Variants in USP8 observed in about 807,000 individuals in gnomAD.
The protein encoded by USP8 is ubiquitin carboxyl-terminal hydrolase 8.
Under a neutral mutation model 130.0 loss-of-function variants are expected in USP8, and 27 were observed. The ratio of observed to expected loss-of-function variants is 0.21; its 90% CI spans 0.15 to 0.29. The LOEUF (loss-of-function observed/expected upper bound fraction) is 0.29, where lower values mean the gene tolerates loss of function less well. Among genes scored for constraint, USP8 ranks in the 10% least tolerant of loss-of-function variants. The pLI, the probability that USP8 is intolerant of heterozygous loss-of-function variation, is 1.00. For missense variants in USP8, 1,029 were observed against 1,312.2 expected, an observed-to-expected ratio of 0.78 and a Z score of 3.33; for synonymous variants, 392 against 444.1, an observed-to-expected ratio of 0.88 and a Z score of 1.48.
In USP8 at chr15:50,462,286, G is replaced by A; in HGVS notation, c.505G>A (p.Gly169Ser). 1 of 1,600,944 alleles carries A rather than the reference G, an allele frequency of 6.2e-7. No individual in the cohort carries two copies. Among genetic ancestry groups the A allele is most frequent in the Non-Finnish European group, 8.5e-7 (1 of 1,176,484 alleles). ...DSKDKTQKSN[G>S]EKNEKCETKE... Reference sequence around the variant, plus strand: ...TTTTTTTCCTATGCAATAGAGCAATGGTGAAAAGAATGAAAAATGTGAGAC... The same window carrying A: ...TTTTTTTCCTATGCAATAGAGCAATAGTGAAAAGAATGAAAAATGTGAGAC... The change falls in exon 6 of 20, where the codon GGT becomes AGT. Residue 169 changes from glycine to serine, a missense_variant. This residue lies in a region of USP8 where 281 missense variants were observed against 336.7 expected (regional missense o/e 0.83). Transcript: ENST00000307179.
In USP8 at chr15:50,484,352, A is replaced by G; in HGVS notation, c.1881A>G (p.Glu627=). 6.2e-7 allele frequency: 1 copy of G among 1,610,656 alleles called. No individual in the cohort carries two copies. The change falls in exon 12 of 20, where the codon GAA becomes GAG. Residue 627 remains glutamate (E), a synonymous_variant. Coordinates refer to ENST00000307179, the MANE Select transcript of USP8 (RefSeq NM_005154.5). ...TTAGAGAGGATACAGACGATACCGA[A>G]AGAAATAAAGTAAGTAGTTTATTGC... is the stretch of plus-strand genomic sequence containing the variant. The part of the protein sequence containing the change: ...GTFREDTDDT[E]RNKAQREPLT...
At chr15:50,487,478 A>G (rs1026335600) in intron 12 of USP8, among the ~76,000 whole-genome samples, 8 of 152,210 alleles carry the variant, frequency 5.3e-5, no homozygotes, top group Non-Finnish European at 7.3e-5. Flanking sequence ...AGTGAAGACT[A>G]AAAAATAGAA....
At chr15:50,439,950 T>C (rs1296948330) in intron 2 of USP8, among the ~76,000 whole-genome samples, 2 of 152,030 alleles carry the variant, frequency 1.3e-5, no homozygotes, top group East Asian at 3.9e-4. Context: ...TAACTTGGCA[T>C]GGTGGCATAG....
chr15:50,506,067 C>T lies in USP8; in HGVS notation c.*6979C>T, dbSNP rs1165081672. 6.6e-6 allele frequency: 1 copy of T among 152,166 alleles called. No individual in the cohort carries two copies. The highest frequency in any genetic ancestry group is 2.4e-5 in the African/African-American group (1 of 41,422). 9.4% of individuals were successfully genotyped at this position (152,166 alleles called of 1,614,324 possible). ...TATAAAGATCTTGATTAACTTTAGGCTTTAAGTATGAAAGCTGTCGTTTTT... is the reference window on the plus strand; with the variant it reads ...TATAAAGATCTTGATTAACTTTAGGTTTTAAGTATGAAAGCTGTCGTTTTT... On this transcript the variant is annotated 3_prime_UTR_variant, in exon 20 of 20. Transcript: ENST00000307179.
chr15:50,486,330 T>A (rs947417256), intron 12 of USP8, among the ~76,000 whole-genome samples: 1 of 151,456 alleles, frequency 6.6e-6, no homozygotes, highest in Non-Finnish European at 1.5e-5. Context: ...GAAAAAAATA[T>A]TAAAAAATTA....
intron 17 of USP8, among the ~76,000 whole-genome samples, chr15:50,496,722 A>G (rs1438809071): frequency 1.3e-5 from 2 of 152,198 alleles, no homozygotes; most frequent in Non-Finnish European, 2.9e-5. Context: ...ACATGGGGAT[A>G]TCAAATAAAT....
intron 3 of USP8, among the ~76,000 whole-genome samples, chr15:50,444,902 C>T (rs776091877): frequency 1.3e-5 from 2 of 152,030 alleles, no homozygotes; most frequent in Non-Finnish European, 2.9e-5. Context: ...GGAGTACAGA[C>T]ACGCACCACC....
chr15:50,502,517 C>T lies in USP8; in HGVS notation c.*3429C>T, dbSNP rs562254500. The T allele has an allele frequency of 3.3e-5, 5 of 152,264 alleles. No homozygotes were observed. The highest frequency in any genetic ancestry group is 7.2e-5 in the African/African-American group (3 of 41,438). 9.4% of individuals were successfully genotyped at this position (152,264 alleles called of 1,614,324 possible). A position where few individuals can be genotyped will look rare whatever the true frequency, so the allele number is the denominator to read the frequency against. Reference sequence around the variant, plus strand: ...CCAAGTAACTGGGATTACAGGCACGCACCACCACACCCAGCTAATTTTTTG... The same window carrying T: ...CCAAGTAACTGGGATTACAGGCACGTACCACCACACCCAGCTAATTTTTTG... On this transcript the variant is annotated 3_prime_UTR_variant, in exon 20 of 20. Transcript: ENST00000307179.
chr15:50,487,923 C>T (rs991965036), intron 12 of USP8, among the ~76,000 whole-genome samples: 7 of 152,214 alleles, frequency 4.6e-5, no homozygotes, highest in African/African-American at 1.7e-4. Flanking sequence ...CACAAGCCTG[C>T]AGACCCAGCT....
chr15:50,472,212 G>C (rs117529109), intron 8 of USP8, among the ~76,000 whole-genome samples: 4,804 of 152,018 alleles, frequency 0.032, 106 homozygotes, highest in East Asian at 0.09. Context: ...ATCATGCTTT[G>C]ATTGTAGAAT....
In USP8 at chr15:50,477,423, T is replaced by G; in HGVS notation, c.1142T>G (p.Val381Gly). ...RMGPLNISTP[V>G]EPVAASKSDV... ...GGACCACTGAATATATCAACTCCAG[T>G]TGAACCAGTTGCTGCTTCTAAATCT... Residue 381 changes from valine (V) to glycine (G), a missense_variant, in exon 10 of 20, where the codon GTT (valine) becomes GGT (glycine). Val to Gly is a moderately radical substitution (Grantham distance 109). Transcript: ENST00000307179. 6.2e-7 allele frequency: 1 copy of G among 1,614,216 alleles called. No individual in the cohort carries two copies. Among genetic ancestry groups the G allele is most frequent in the Non-Finnish European group, 8.5e-7 (1 of 1,180,034 alleles).
At chr15:50,441,214 G>C (rs952586177) in intron 2 of USP8, 135 bp from the exon 3 acceptor site, 24 of 763,206 alleles carry the variant, frequency 3.1e-5, no homozygotes, top group Non-Finnish European at 2.9e-5. Context: ...GTTCATAACA[G>C]GCCGTGAACC....
chr15:50,488,838 G>A (rs935433248), intron 12 of USP8, among the ~76,000 whole-genome samples: 6 of 151,684 alleles, frequency 4.0e-5, no homozygotes, highest in African/African-American at 9.7e-5. Flanking sequence ...CTCCCAAAGC[G>A]CTGGGATTAC....
chr15:50,498,833 G>A (rs1566895601), intron 19 of USP8, 70 bp from the exon 20 acceptor site: 23 of 1,547,182 alleles, frequency 1.5e-5, no homozygotes, highest in Non-Finnish European at 1.9e-5. Flanking sequence ...ATAAAGCTTT[G>A]AAACTATTGG....
At chr15:50,485,612 A>G (rs1320337874) in intron 12 of USP8, among the ~76,000 whole-genome samples, 3 of 124,880 alleles carry the variant, frequency 2.4e-5, no homozygotes, top group African/African-American at 6.1e-5. Context: ...AACCATTAAT[A>G]CAATCCAATT....
intron 17 of USP8, chr15:50,496,879 AC>A (rs2052434353): frequency 2.0e-6 from 1 of 489,442 alleles, no homozygotes; most frequent in East Asian, 3.7e-5. Flanking sequence ...GTCACAACAC[AC>A]TGTAGGTAGC....
At chr15:50,449,077 A>G (rs186008958) in intron 3 of USP8, among the ~76,000 whole-genome samples, 286 of 152,334 alleles carry the variant, frequency 1.9e-3, no homozygotes, top group Non-Finnish European at 1.7e-3. Flanking sequence ...TAATAAGAAA[A>G]TATACTTTAT....
chr15:50,500,793 G>T lies in USP8; in HGVS notation c.*1705G>T. The T allele has an allele frequency of 6.3e-7, 1 of 1,590,388 alleles. No individual in the cohort carries two copies. The highest frequency in any genetic ancestry group is 8.6e-7 in the Non-Finnish European group (1 of 1,167,942). On this transcript the variant is annotated 3_prime_UTR_variant, in exon 20 of 20. Coordinates refer to ENST00000307179, the MANE Select transcript of USP8 (RefSeq NM_005154.5). ...ATCAGGCCTGGGTGACTGAATTCTT[G>T]CAGAAAGCAGTGTAGTGGCCACCAT...
intron 11 of USP8, 90 bp downstream of exon 11, chr15:50,482,155 G>C: frequency 3.2e-6 from 4 of 1,241,336 alleles, no homozygotes; most frequent in East Asian, 2.6e-5. Flanking sequence ...AAAAGGGCAG[G>C]CATTTCAAAT....
Sources: gnomAD v4.1 joint callset for allele counts (sites outside exome capture counted in the v4.1 genomes callset) on GRCh38, gnomAD v4.1.1 for gene constraint, gnomAD v4.1.1 regional missense constraint, MANE v1.5 for transcripts, NCBI Gene and HGNC (gene_info 2026-07-23, HGNC 2026-07-21) for gene names.